SMAD1: variants seen among roughly 807,000 people sequenced by gnomAD.
SMAD1 encodes SMAD family member 1.
SMAD1 carries 6 observed loss-of-function variants against 41.6 expected under a neutral mutation model. That is an observed-to-expected ratio of 0.14 (90% CI 0.08 to 0.28). The LOEUF is 0.28. Among genes scored for constraint, SMAD1 ranks in the 10% least tolerant of loss-of-function variants. The probability of loss-of-function intolerance (pLI) is 1.00; values close to 1 mark genes in which losing one functional copy is unlikely to be tolerated. For missense variants in SMAD1, 379 were observed against 582.6 expected (o/e 0.65, Z 3.60); for synonymous variants, 206 against 203.2 (o/e 1.01, Z -0.12).
chr4:145,527,507 G>C lies in SMAD1; in HGVS notation c.401-12297G>C. Among the ~76,000 whole-genome samples the C allele has an allele frequency of 1.3e-5, 2 of 152,134 alleles. 1 individual carries two copies. Among genetic ancestry groups the C allele is most frequent in the Admixed American group, 1.3e-4 (2 of 15,240 alleles). ...CAAAGTGCTGGGATTACAGGCGTGAGCCACCGCGCCCGGCCCTATTCTCAT... is the reference window on the plus strand; with the variant it reads ...CAAAGTGCTGGGATTACAGGCGTGACCCACCGCGCCCGGCCCTATTCTCAT... On this transcript the variant is annotated intron_variant, in intron 2 of 6. Coordinates refer to ENST00000302085, the MANE Select transcript of SMAD1 (RefSeq NM_005900.3).
chr4:145,557,769 A>AC (rs754256304), intron 6 of SMAD1, 22 bp from the exon 7 acceptor site: 66 of 1,585,552 alleles, frequency 4.2e-5, no homozygotes, highest in Non-Finnish European at 6.9e-6. Context: ...AAGTTAAATG[A>AC]CCTCCAGTAT....
rs13144151 is a variant in SMAD1 at position 145,482,013 on chromosome 4, A to G, written c.-202A>G. 128,683 of 151,980 alleles carry G rather than the reference A, an allele frequency of 0.85. 55,410 individuals carry two copies. The highest frequency in any genetic ancestry group is 0.96 in the African/African-American group (39,785 of 41,492). The allele number at this position is 151,980 out of a possible 1,614,324, so 9.4% of individuals were successfully genotyped here. A position where few individuals can be genotyped will look rare whatever the true frequency, so the allele number is the denominator to read the frequency against. On this transcript the variant is annotated 5_prime_UTR_variant, in exon 1 of 7. Transcript: ENST00000302085. The surrounding 1 kb of genome is among the most constrained non-coding windows in gnomAD (Gnocchi z 4.2). ...CGCTCGCCCGGCCACTCGTGCTCCC[A>G]CACGGACGGGCGCGCCGCCAACCCG... is the stretch of plus-strand genomic sequence containing the variant.
At chr4:145,526,154 G>T (rs1219703575) in intron 2 of SMAD1, among the ~76,000 whole-genome samples, 1 of 152,230 alleles carries the variant, frequency 6.6e-6, no homozygotes, top group African/African-American at 2.4e-5. Context: ...TAATTGCCCA[G>T]TGGCCTGTCT....
intron 6 of SMAD1, among the ~76,000 whole-genome samples, chr4:145,554,601 A>G (rs1001339994): frequency 3.9e-5 from 6 of 152,170 alleles, no homozygotes; most frequent in Non-Finnish European, 5.9e-5. Context: ...AGATAAATAG[A>G]TGCCTTAGCT....
chr4:145,488,593 AGGT>A (rs1437628689), intron 1 of SMAD1, among the ~76,000 whole-genome samples: 1 of 151,930 alleles, frequency 6.6e-6, no homozygotes, highest in Non-Finnish European at 1.5e-5. Flanking sequence ...TCAAGAAAAA[AGGT>A]GGGGGGGAGA....
chr4:145,537,737 T>C (rs1731695438), intron 2 of SMAD1, among the ~76,000 whole-genome samples: 1 of 152,192 alleles, frequency 6.6e-6, no homozygotes, highest in Non-Finnish European at 1.5e-5. Context: ...CAGAAATACA[T>C]TGCCCTTTGC....
chr4:145,530,251 A>G (rs1410124228), intron 2 of SMAD1, among the ~76,000 whole-genome samples: 1 of 152,174 alleles, frequency 6.6e-6, no homozygotes, highest in Non-Finnish European at 1.5e-5. Flanking sequence ...CCAGGGGTGG[A>G]TAGAAAGACC....
chr4:145,539,449 T>C (rs190434262), intron 2 of SMAD1, among the ~76,000 whole-genome samples: 1 of 152,226 alleles, frequency 6.6e-6, no homozygotes, highest in Non-Finnish European at 1.5e-5. Flanking sequence ...AATATAATTG[T>C]CAATGGTGAT....
At chr4:145,550,082 A>G (rs908411803) in intron 5 of SMAD1, among the ~76,000 whole-genome samples, 2 of 152,024 alleles carry the variant, frequency 1.3e-5, no homozygotes, top group African/African-American at 4.8e-5. Context: ...AAATTGTTCC[A>G]GATGCCCTTA....
intron 2 of SMAD1, among the ~76,000 whole-genome samples, chr4:145,533,353 A>G (rs1489770686): frequency 6.6e-6 from 1 of 152,202 alleles, no homozygotes; most frequent in Non-Finnish European, 1.5e-5. Flanking sequence ...ACAAATTGGG[A>G]CTATCCCAGG....
At chr4:145,490,038 A>T (rs768139) in intron 1 of SMAD1, among the ~76,000 whole-genome samples, 64,204 of 151,640 alleles carry the variant, frequency 0.42, 14,321 homozygotes, top group Non-Finnish European at 0.51. Flanking sequence ...GAAGGAGAAG[A>T]AGTCAGATAA....
At chr4:145,542,232 A>G (rs377296165) in intron 3 of SMAD1, among the ~76,000 whole-genome samples, 12 of 152,242 alleles carry the variant, frequency 7.9e-5, no homozygotes, top group African/African-American at 2.9e-4. Context: ...TATCAGTGAA[A>G]CTGAAATGCA....
At position 145,506,413 on chromosome 4, in the gene SMAD1, AT is replaced by A. The variant is rs983528211; in HGVS notation, c.-176-8018del. Among the ~76,000 whole-genome samples, 9 of 151,918 alleles carry A rather than the reference AT, an allele frequency of 5.9e-5. No individual in the cohort carries two copies. In the South Asian group the frequency reaches 1.0e-3, roughly 18 times the overall value. On this transcript the variant is annotated intron_variant, in intron 1 of 6. Transcript: ENST00000302085. The stretch of plus-strand genomic sequence containing the variant: ...TTCTTAAAGTACGGAGAGTTTTTGG[AT>A]TTTTTTCCCCCAGTCACTTTTTGTA...
At chr4:145,523,750 G>A (rs532229998) in intron 2 of SMAD1, among the ~76,000 whole-genome samples, 82 of 152,252 alleles carry the variant, frequency 5.4e-4, no homozygotes, top group Non-Finnish European at 9.4e-4. Context: ...GTTGGGTTCC[G>A]GGCAGAGCCA....
At chr4:145,545,507 G>A (rs763335802) in intron 4 of SMAD1, 6 of 151,696 alleles carry the variant, frequency 4.0e-5, no homozygotes, top group Non-Finnish European at 7.4e-5. Context: ...CATATGTAAA[G>A]CGACTAACTT....
Position 145,482,046 on chromosome 4 carries a change from G to A in SMAD1, c.-177+8G>A, listed in dbSNP as rs1728206800. 1 of 151,990 alleles carries A rather than the reference G, an allele frequency of 6.6e-6. No homozygotes were observed. Among genetic ancestry groups the A allele is most frequent in the Non-Finnish European group, 1.5e-5 (1 of 68,044 alleles). 9.4% of individuals were successfully genotyped at this position (151,990 alleles called of 1,614,324 possible). A position where few individuals can be genotyped will look rare whatever the true frequency, so the allele number is the denominator to read the frequency against. On this transcript the variant is annotated splice_region_variant and intron_variant, in intron 1 of 6. Transcript: ENST00000302085. The surrounding 1 kb of genome is among the most constrained non-coding windows in gnomAD (Gnocchi z 4.2). Reference sequence around the variant, plus strand: ...GGGCGCGCCGCCAACCCGGTAAAACGAAACAGACCCGAACCGAACTTTCCC... The same window carrying A: ...GGGCGCGCCGCCAACCCGGTAAAACAAAACAGACCCGAACCGAACTTTCCC...
At chr4:145,485,093 G>A (rs1578726971) in intron 1 of SMAD1, among the ~76,000 whole-genome samples, 1 of 152,186 alleles carries the variant, frequency 6.6e-6, no homozygotes, top group Admixed American at 6.5e-5. Context: ...TTTTGAGACA[G>A]GGTCTCTCTG....
At chr4:145,523,279 G>A (rs147781998) in intron 2 of SMAD1, among the ~76,000 whole-genome samples, 330 of 152,234 alleles carry the variant, frequency 2.2e-3, no homozygotes, top group African/African-American at 7.8e-3. Context: ...CTTACACACT[G>A]GATAGAGGCT....
chr4:145,525,378 A>C (rs1054114788), intron 2 of SMAD1, among the ~76,000 whole-genome samples: 6 of 152,176 alleles, frequency 3.9e-5, no homozygotes, highest in African/African-American at 1.4e-4. Flanking sequence ...GGAGATGGGG[A>C]AGCAACAAGG....
Sources: allele counts gnomAD v4.1 joint callset (sites outside exome capture counted in the v4.1 genomes callset), GRCh38; gene constraint gnomAD v4.1.1; non-coding constraint Gnocchi (gnomAD v3.1); transcripts MANE v1.5; gene names NCBI Gene and HGNC (gene_info 2026-07-23, HGNC 2026-07-21).